ANKHD1: variants seen among roughly 807,000 people sequenced by gnomAD.
ANKHD1 encodes the protein ankyrin repeat and KH domain containing 1, also known as ankyrin repeat and KH domain-containing protein 1.
In ANKHD1, 31 loss-of-function variants were observed where a neutral mutation model predicts 230.5. The observed-to-expected ratio is 0.13, with a 90% CI of 0.10 to 0.18. The LOEUF (loss-of-function observed/expected upper bound fraction) is 0.18, where lower values mean the gene tolerates loss of function less well. Ranked by LOEUF, ANKHD1 falls within the 10% of genes least tolerant of loss-of-function variation. ANKHD1 has a pLI of 1.00. For missense variants in ANKHD1, 2,256 were observed against 3,071.3 expected, an observed-to-expected ratio of 0.73 and a Z score of 6.27; for synonymous variants, 1,074 against 1,117.6, an observed-to-expected ratio of 0.96 and a Z score of 0.78.
intron 7 of ANKHD1, among the ~76,000 whole-genome samples, chr5:140,450,081 A>G (rs537471482): frequency 6.6e-6 from 1 of 152,310 alleles, no homozygotes; most frequent in East Asian, 1.9e-4. Context: ...TATCTAAAAG[A>G]GAGTGCAAAT....
Position 140,529,617 on chromosome 5 carries a change from C to T in ANKHD1, c.6671C>T (p.Ala2224Val). Residue 2224 changes from alanine (A) to valine (V), a missense_variant, in exon 29 of 34, where the codon GCT (alanine) becomes GTT (valine). Physicochemically the swap from Ala to Val is moderately conservative, Grantham distance 64 (BLOSUM62 0). This residue lies in a region of ANKHD1 where 778 missense variants were observed against 966.5 expected (regional missense o/e 0.80). Transcript: ENST00000360839. ...CTTTTTGATAGTAGTCAGGTGCCAGCTAACCAGGGCTGGGGAGATGGTCCA... is the reference window on the plus strand; with the variant it reads ...CTTTTTGATAGTAGTCAGGTGCCAGTTAACCAGGGCTGGGGAGATGGTCCA... Reference protein sequence around the residue: ...SSLFDSSQVPANQGWGDGPLS... With the variant: ...SSLFDSSQVPVNQGWGDGPLS... The T allele has an allele frequency of 6.2e-7, 1 of 1,614,204 alleles. No homozygotes were observed. Among genetic ancestry groups the T allele is most frequent in the Non-Finnish European group, 8.5e-7 (1 of 1,180,038 alleles).
chr5:140,538,199 A>C lies in ANKHD1; in HGVS notation c.7342A>C (p.Met2448Leu). 3 of 1,614,220 alleles carry C rather than the reference A, an allele frequency of 1.9e-6. No individual in the cohort carries two copies. The highest frequency in any genetic ancestry group is 2.5e-6 in the Non-Finnish European group (3 of 1,180,040). Residue 2448 changes from methionine (M) to leucine (L), a missense_variant, in exon 32 of 34, where the codon ATG becomes CTG. Transcript: ENST00000360839. Reference protein sequence around the residue: ...HQPMERDDSGMVAPSNIFHQP... With the variant: ...HQPMERDDSGLVAPSNIFHQP... ...GCCAATGGAGAGAGATGATTCTGGA[A>C]TGGTAGCCCCCTCTAACATTTTTCA...
chr5:140,481,504 A>C (rs1273781436), intron 10 of ANKHD1, among the ~76,000 whole-genome samples: 2 of 152,018 alleles, frequency 1.3e-5, no homozygotes, highest in Admixed American at 6.5e-5. Context: ...AACCTATTTT[A>C]GGGAGGAATT....
chr5:140,406,803 T>A (rs1426177404), intron 1 of ANKHD1, among the ~76,000 whole-genome samples: 3 of 152,122 alleles, frequency 2.0e-5, no homozygotes, highest in Non-Finnish European at 4.4e-5. Context: ...CCCAAAGTGC[T>A]GGGATTACAG....
chr5:140,516,192 A>G (rs953420400), intron 24 of ANKHD1, among the ~76,000 whole-genome samples: 2 of 152,232 alleles, frequency 1.3e-5, no homozygotes, highest in African/African-American at 2.4e-5. Flanking sequence ...AAGAAAGGGT[A>G]TCAGCGATGG....
rs1248728606 is a variant in ANKHD1, at chr5:140,537,398, C to T, written c.7037C>T (p.Ala2346Val). 4.3e-6 allele frequency: 7 copies of T among 1,613,860 alleles called. No individual in the cohort carries two copies. In the South Asian group the frequency reaches 5.5e-5, roughly 13 times the overall value. The change falls in exon 31 of 34, where the codon GCC becomes GTC. Residue 2346 changes from alanine (A) to valine (V), a missense_variant. By Grantham distance (64) the Ala-to-Val change is moderately conservative. This residue lies in a region of ANKHD1 where 778 missense variants were observed against 966.5 expected (regional missense o/e 0.80). Transcript: ENST00000360839. ...WTSASNSSTS[A>V]PPTLGQPKGV... ...TCTTCACCTCTTTCAGCCACTTCTGCCCCACCAACGTTGGGCCAACCAAAA... is the reference window on the plus strand; with the variant it reads ...TCTTCACCTCTTTCAGCCACTTCTGTCCCACCAACGTTGGGCCAACCAAAA...
intron 1 of ANKHD1, among the ~76,000 whole-genome samples, chr5:140,420,926 C>T (rs1246983167): frequency 3.3e-5 from 5 of 152,170 alleles, no homozygotes; most frequent in Non-Finnish European, 7.3e-5. Context: ...ATTCAACCCC[C>T]TCCTTCCCAC....
intron 25 of ANKHD1, chr5:140,524,945 A>G: frequency 2.8e-6 from 1 of 361,096 alleles, no homozygotes; most frequent in Non-Finnish European, 5.5e-6. Flanking sequence ...CTTAAAAAAA[A>G]AAAAAAATTA....
intron 1 of ANKHD1, among the ~76,000 whole-genome samples, chr5:140,428,123 C>T (rs1247442411): frequency 6.6e-6 from 1 of 151,092 alleles, no homozygotes; most frequent in African/African-American, 2.4e-5. Flanking sequence ...GGGATGGCGG[C>T]TGGGCAGAGA....
chr5:140,491,544 C>G (rs1751807384), intron 14 of ANKHD1, among the ~76,000 whole-genome samples: 1 of 152,066 alleles, frequency 6.6e-6, no homozygotes, highest in Admixed American at 6.6e-5. Flanking sequence ...TTACTCAGTA[C>G]TGTTTTTAAG....
chr5:140,438,326 T>C, intron 2 of ANKHD1, 135 bp from the exon 3 acceptor site: 1 of 1,286,488 alleles, frequency 7.8e-7, no homozygotes, highest in Non-Finnish European at 1.0e-6. Flanking sequence ...CCTTATCTTC[T>C]GTCAACCTAA....
chr5:140,485,778 A>T lies in ANKHD1; in HGVS notation c.2142+46A>T. ...TTTGTTAATATAAATATTCTTCAACATGATTAGAAGTTTTTGTTTAAAATC... is the reference window on the plus strand; with the variant it reads ...TTTGTTAATATAAATATTCTTCAACTTGATTAGAAGTTTTTGTTTAAAATC... On this transcript the variant is annotated intron_variant, in intron 13 of 33. Coordinates refer to ENST00000360839, the MANE Select transcript of ANKHD1 (RefSeq NM_017747.3). The surrounding 1 kb of genome is among the most constrained non-coding windows in gnomAD (Gnocchi z 4.8). The T allele has an allele frequency of 6.2e-7, 1 of 1,601,428 alleles. No homozygotes were observed. Among genetic ancestry groups the T allele is most frequent in the Non-Finnish European group, 8.5e-7 (1 of 1,177,178 alleles).
At chr5:140,410,474 A>G (rs966309872) in intron 1 of ANKHD1, among the ~76,000 whole-genome samples, 4 of 152,220 alleles carry the variant, frequency 2.6e-5, no homozygotes, top group Non-Finnish European at 5.9e-5. Flanking sequence ...TACTTTAAAG[A>G]AAAGCAAAAC....
intron 1 of ANKHD1, among the ~76,000 whole-genome samples, chr5:140,427,321 G>A (rs1474975676): frequency 7.0e-6 from 1 of 143,246 alleles, no homozygotes; most frequent in Non-Finnish European, 1.6e-5. Context: ...CCGGGTGGGG[G>A]GCCGACCCCC....
In ANKHD1 at chr5:140,526,173, C is replaced by A; in HGVS notation, c.4670C>A (p.Ala1557Glu). The change falls in exon 26 of 34, where the codon GCA becomes GAA. Residue 1557 changes from alanine to glutamate, a missense_variant. This residue lies in a region of ANKHD1 where 212 missense variants were observed against 257.3 expected (regional missense o/e 0.82). Coordinates refer to ENST00000360839, the MANE Select transcript of ANKHD1 (RefSeq NM_017747.3). ...AAAACAAAAGAAACCCCTCCTACAG[C>A]ACATTTAATTTTACCAGAACAACAT... ...KNKTKETPPT[A>E]HLILPEQHMS... is the part of the protein sequence containing the mutation. The A allele has an allele frequency of 6.2e-7, 1 of 1,613,706 alleles. No homozygotes were observed. Among genetic ancestry groups the A allele is most frequent in the Non-Finnish European group, 8.5e-7 (1 of 1,179,944 alleles).
chr5:140,441,219 C>T, intron 5 of ANKHD1, 77 bp downstream of exon 5: 1 of 1,403,278 alleles, frequency 7.1e-7, no homozygotes, highest in Non-Finnish European at 9.3e-7. Flanking sequence ...AATTAGATTT[C>T]TGAGGAAAAC....
At chr5:140,492,777 T>C (rs1221366211) in intron 14 of ANKHD1, among the ~76,000 whole-genome samples, 3 of 152,164 alleles carry the variant, frequency 2.0e-5, no homozygotes, top group African/African-American at 7.2e-5. Flanking sequence ...GTATATCATG[T>C]TTTTTTCCCA....
chr5:140,403,023 G>C (rs1460694547), intron 1 of ANKHD1, among the ~76,000 whole-genome samples: 1 of 126,792 alleles, frequency 7.9e-6, no homozygotes, highest in Non-Finnish European at 1.6e-5. Flanking sequence ...GTCCACGCTA[G>C]AATACACGTG....
Position 140,474,842 on chromosome 5 carries a change from G to C in ANKHD1, c.1783-7738G>C, listed in dbSNP as rs138461058. Among the ~76,000 whole-genome samples the C allele has an allele frequency of 1.1e-3, 174 of 151,766 alleles. 2 individuals carry two copies. The highest frequency in any genetic ancestry group is 3.9e-3 in the African/African-American group (163 of 41,382). ...TGTATTTTTTATAGATATATTTTTA[G>C]GGAGCTTATGAGCTCTAGTAATCTA... On this transcript the variant is annotated intron_variant, in intron 10 of 33. Coordinates refer to ENST00000360839, the MANE Select transcript of ANKHD1 (RefSeq NM_017747.3).
Sources: allele counts gnomAD v4.1 joint callset (sites outside exome capture counted in the v4.1 genomes callset), GRCh38; gene constraint gnomAD v4.1.1; regional missense constraint gnomAD v4.1.1; non-coding constraint Gnocchi (gnomAD v3.1); transcripts MANE v1.5; gene names NCBI Gene and HGNC (gene_info 2026-07-23, HGNC 2026-07-21).